The following MAP3K13 variants were observed in gnomAD, a reference collection of about 807,000 sequenced individuals.
MAP3K13 encodes leucine zipper-bearing kinase.
MAP3K13 carries 52 observed loss-of-function variants against 104.0 expected under a neutral mutation model. The observed-to-expected ratio is 0.50, with a 90% CI of 0.40 to 0.63. The LOEUF (loss-of-function observed/expected upper bound fraction) is 0.63, where lower values mean the gene tolerates loss of function less well. Ranked by LOEUF, MAP3K13 falls within the 20% of genes least tolerant of loss-of-function variation. The probability of loss-of-function intolerance (pLI) is 0.00; values close to 1 mark genes in which losing one functional copy is unlikely to be tolerated. For missense variants in MAP3K13, 914 were observed against 1,218.5 expected, an observed-to-expected ratio of 0.75 and a Z score of 3.72; for synonymous variants, 394 against 442.2, an observed-to-expected ratio of 0.89 and a Z score of 1.37.
chr3:185,407,640 G>C (rs181447032), intron 1 of MAP3K13, among the ~76,000 whole-genome samples: 1 of 152,156 alleles, frequency 6.6e-6, no homozygotes, highest in South Asian at 2.1e-4. Flanking sequence ...TAGCTTCAGA[G>C]TGCGTTTTGC....
In MAP3K13 at chr3:185,334,679, C is replaced by T. The variant is rs181845567; in HGVS notation, c.-86+49036C>T. 3.8e-3 allele frequency among the ~76,000 whole-genome samples: 576 copies of T among 151,818 alleles called. 1 individual carries two copies. The highest frequency in any genetic ancestry group is 0.011 in the African/African-American group (440 of 41,368). On this transcript the variant is annotated intron_variant, in intron 2 of 14. Transcript: ENST00000424227. ...AGGCTGGAGTCCAGTGGTGCCATCT[C>T]GGCTCACTGCAATCCGCCTCCTGGG... is the stretch of plus-strand genomic sequence containing the variant.
Position 185,423,009 on chromosome 3 carries a change from T to A in MAP3K13, c.-85-5488T>A, listed in dbSNP as rs1490781729. Among the ~76,000 whole-genome samples the A allele has an allele frequency of 6.6e-6, 1 of 152,154 alleles. No homozygotes were observed. The highest frequency in any genetic ancestry group is 1.5e-5 in the Non-Finnish European group (1 of 68,030). ...ACTGTGCATGCGAGGGATCTAGGGATCTAGGTTATGTGCCCTTTATGAGAA... is the reference window on the plus strand; with the variant it reads ...ACTGTGCATGCGAGGGATCTAGGGAACTAGGTTATGTGCCCTTTATGAGAA... On this transcript the variant is annotated intron_variant, in intron 1 of 13. Coordinates refer to ENST00000265026, the MANE Select transcript of MAP3K13 (RefSeq NM_004721.5). This position sits in a 1 kb window ranked among gnomAD's most constrained non-coding sequence, Gnocchi z 4.1.
In MAP3K13 at chr3:185,399,666, G is replaced by A. The variant is rs62290223; in HGVS notation, c.-85-28831G>A. On this transcript the variant is annotated intron_variant, in intron 1 of 13. Transcript: ENST00000265026. The stretch of plus-strand genomic sequence containing the variant: ...AGGGAGGGAGGAAAAAAGGAGGGAA[G>A]GAAGGAAGGAAGGAAGGAAGGAAGG... 5.0e-3 allele frequency among the ~76,000 whole-genome samples: 21 copies of A among 4,190 alleles called. 6 individuals carry two copies. Among genetic ancestry groups the A allele is most frequent in the African/African-American group, 0.011 (12 of 1,058 alleles). The allele number at this position is 4,190 out of a possible 152,430, so 2.7% of individuals were successfully genotyped here.
rs1288165788 is a variant in MAP3K13, at chr3:185,486,644, A to G, written c.*4188A>G. 1 of 152,244 alleles carries G rather than the reference A, an allele frequency of 6.6e-6. No individual in the cohort carries two copies. The highest frequency in any genetic ancestry group is 1.5e-5 in the Non-Finnish European group (1 of 68,048). The allele number at this position is 152,244 out of a possible 1,614,324, so 9.4% of individuals were successfully genotyped here. The stretch of plus-strand genomic sequence containing the variant: ...CAAGACTGTGATTTCAAGCTGCTTC[A>G]TTGATGGAAAGTTTCACCATCTTGG... On this transcript the variant is annotated 3_prime_UTR_variant, in exon 14 of 14. Transcript: ENST00000265026.
At chr3:185,314,935 C>T (rs1213759632) in intron 2 of MAP3K13, among the ~76,000 whole-genome samples, 2 of 152,160 alleles carry the variant, frequency 1.3e-5, no homozygotes, top group African/African-American at 4.8e-5. Context: ...ACCACCACAC[C>T]TGGCCACAAT....
At chr3:185,299,313 CTG>C (rs1721020293) in intron 2 of MAP3K13, among the ~76,000 whole-genome samples, 1 of 152,196 alleles carries the variant, frequency 6.6e-6, no homozygotes. Context: ...GCAGCTAAAA[CTG>C]TAATGAATTC....
At chr3:185,334,543 G>T (rs895753660) in intron 2 of MAP3K13, among the ~76,000 whole-genome samples, 1 of 151,454 alleles carries the variant, frequency 6.6e-6, no homozygotes, top group Non-Finnish European at 1.5e-5. Context: ...ATCAGGTGGT[G>T]AGTCAGTTCA....
At chr3:185,288,542 A>ATG (rs1560034300) in intron 2 of MAP3K13, among the ~76,000 whole-genome samples, 1 of 121,420 alleles carries the variant, frequency 8.2e-6, no homozygotes, top group Non-Finnish European at 1.7e-5. Context: ...GTTTGTGTGT[A>ATG]TATATATATT....
intron 2 of MAP3K13, among the ~76,000 whole-genome samples, chr3:185,343,686 T>C (rs1722808610): frequency 6.6e-6 from 1 of 152,094 alleles, no homozygotes; most frequent in Admixed American, 6.5e-5. Context: ...CTCTTGACCT[T>C]GTGATCTGCC....
chr3:185,432,185 CTTTTTTTTTTT>C lies in MAP3K13; in HGVS notation c.475+3141_475+3151del, dbSNP rs11407161. 5.5e-5 allele frequency among the ~76,000 whole-genome samples: 5 copies of C among 90,112 alleles called. No homozygotes were observed. The South Asian group carries it at 2.1e-3, about 38-fold the overall frequency. 59.1% of individuals were successfully genotyped at this position (90,112 alleles called of 152,430 possible). On this transcript the variant is annotated intron_variant, in intron 2 of 13. Transcript: ENST00000265026. ...ATCCAGAGATAACCATTTCTAATTG[CTTTTTTTTTTT>C]TTTTTTTTTTTGAGATGGAGTCTTG...
intron 2 of MAP3K13, among the ~76,000 whole-genome samples, chr3:185,301,426 A>G (rs1721106198): frequency 6.6e-6 from 1 of 151,796 alleles, no homozygotes; most frequent in Admixed American, 6.6e-5. Context: ...CTCTTAGATT[A>G]TTTCCTTTGC....
At chr3:185,437,419 C>T in intron 2 of MAP3K13, 28 bp from the exon 3 acceptor site, 1 of 1,605,066 alleles carries the variant, frequency 6.2e-7, no homozygotes, top group South Asian at 1.1e-5. Flanking sequence ...GAGATCTCTT[C>T]AAGCTTATTT....
rs1164759282 is a variant in MAP3K13 at position 185,482,334 on chromosome 3, G to C, written c.2800-21G>C. On this transcript the variant is annotated intron_variant, in intron 13 of 13. Coordinates refer to ENST00000265026, the MANE Select transcript of MAP3K13 (RefSeq NM_004721.5). This position sits in a 1 kb window ranked among gnomAD's most constrained non-coding sequence, Gnocchi z 4.5. ...CTGAGTGATTATCGAAATGAATTAA[G>C]GTTTTGTCTTGCCTTTGCAGAACCC... 4 of 1,538,638 alleles carry C rather than the reference G, an allele frequency of 2.6e-6. No individual in the cohort carries two copies. Among genetic ancestry groups the C allele is most frequent in the Non-Finnish European group, 3.6e-6 (4 of 1,111,312 alleles).
intron 2 of MAP3K13, among the ~76,000 whole-genome samples, chr3:185,326,997 A>G (rs1334429313): frequency 6.6e-6 from 1 of 152,196 alleles, no homozygotes; most frequent in Non-Finnish European, 1.5e-5. Flanking sequence ...CCCATAACAA[A>G]TTATCAAAAA....
intron 1 of MAP3K13, among the ~76,000 whole-genome samples, chr3:185,381,578 T>C (rs1724724007): frequency 6.6e-6 from 1 of 152,198 alleles, no homozygotes; most frequent in Non-Finnish European, 1.5e-5. Flanking sequence ...TAAACAACTG[T>C]CCTTCTTGAG....
Position 185,437,600 on chromosome 3 carries a change from A to G in MAP3K13, c.629A>G (p.Lys210Arg). Residue 210 changes from lysine to arginine, a missense_variant, in exon 3 of 14, where the codon AAG (lysine) becomes AGG (arginine). This residue lies in a region of MAP3K13 where 175 missense variants were observed against 321.3 expected (regional missense o/e 0.54). Transcript: ENST00000265026. ...QNETDIKHLR[K>R]LKHPNIIAFK... The stretch of plus-strand genomic sequence containing the variant: ...GAGACGGATATCAAGCATTTGAGGA[A>G]GTTGAAGCACCCTAACATCATCGCA... The G allele has an allele frequency of 2.5e-6, 4 of 1,612,654 alleles. No homozygotes were observed. Among genetic ancestry groups the G allele is most frequent in the South Asian group, 1.1e-5 (1 of 90,984 alleles).
chr3:185,317,058 C>G (rs1424161352), intron 2 of MAP3K13, among the ~76,000 whole-genome samples: 2 of 152,132 alleles, frequency 1.3e-5, no homozygotes, highest in African/African-American at 2.4e-5. Context: ...CTGGATTTCC[C>G]TGATACTCCA....
intron 2 of MAP3K13, among the ~76,000 whole-genome samples, chr3:185,329,905 T>TC: frequency 6.7e-6 from 1 of 149,400 alleles, no homozygotes; most frequent in South Asian, 2.2e-4. Context: ...TTTTTTTTTT[T>TC]TTTTTTTTTG....
At chr3:185,284,124 C>A (rs1720417965) in intron 1 of MAP3K13, among the ~76,000 whole-genome samples, 1 of 151,844 alleles carries the variant, frequency 6.6e-6, no homozygotes, top group African/African-American at 2.4e-5. Context: ...GGGCGTGAAC[C>A]ACTACGCGCG....
Sources: allele counts gnomAD v4.1 joint callset (sites outside exome capture counted in the v4.1 genomes callset), GRCh38; gene constraint gnomAD v4.1.1; regional missense constraint gnomAD v4.1.1; non-coding constraint Gnocchi (gnomAD v3.1); transcripts MANE v1.5; gene names NCBI Gene and HGNC (gene_info 2026-07-23, HGNC 2026-07-21).